The following ASTN2 variants were observed in gnomAD, a reference collection of about 807,000 sequenced individuals.
ASTN2 encodes the protein astrotactin 2.
ASTN2 carries 54 observed loss-of-function variants against 139.8 expected under a neutral mutation model. The ratio of observed to expected loss-of-function variants is 0.39; its 90% CI spans 0.31 to 0.48. The LOEUF (loss-of-function observed/expected upper bound fraction) is 0.48. ASTN2 is among the 20% of genes least tolerant of loss of function. The pLI is 0.95. For missense variants in ASTN2, 1,565 were observed against 1,725.1 expected (o/e 0.91, Z 1.64); for synonymous variants, 756 against 719.5 (o/e 1.05, Z -0.81).
At chr9:116,911,377 A>T (rs1834305440) in intron 10 of ASTN2, among the ~76,000 whole-genome samples, 1 of 152,240 alleles carries the variant, frequency 6.6e-6, no homozygotes, top group Admixed American at 6.5e-5. Flanking sequence ...TCTCAAGGTC[A>T]TGACAAACAA....
intron 4 of ASTN2, among the ~76,000 whole-genome samples, chr9:117,123,187 G>A (rs954749802): frequency 6.6e-6 from 1 of 152,008 alleles, no homozygotes; most frequent in Non-Finnish European, 1.5e-5. Context: ...AAGTTCCCAC[G>A]GGATGCTGAT....
At chr9:116,553,494 A>G (rs1298454671) in intron 19 of ASTN2, among the ~76,000 whole-genome samples, 2 of 152,202 alleles carry the variant, frequency 1.3e-5, no homozygotes, top group African/African-American at 4.8e-5. Flanking sequence ...TGTCCAGGAC[A>G]GTGTTAGGCT....
At chr9:116,768,273 C>T (rs962173242) in intron 13 of ASTN2, among the ~76,000 whole-genome samples, 1 of 151,832 alleles carries the variant, frequency 6.6e-6, no homozygotes, top group African/African-American at 2.4e-5. Flanking sequence ...CCCACCTTAC[C>T]GTGGTTATTG....
chr9:117,028,966 G>T (rs1194119612), intron 6 of ASTN2, among the ~76,000 whole-genome samples: 1 of 152,182 alleles, frequency 6.6e-6, no homozygotes, highest in Non-Finnish European at 1.5e-5. Flanking sequence ...GCCTGAAGAA[G>T]TAGAGATTTG....
rs1160296249 is a variant in ASTN2, at chr9:116,718,973, TAC to T, written c.2806+6796_2806+6797del. Among the ~76,000 whole-genome samples the T allele has an allele frequency of 1.1e-3, 49 of 45,154 alleles. 10 individuals are homozygous for T. Among genetic ancestry groups the T allele is most frequent in the Admixed American group, 3.4e-3 (12 of 3,552 alleles). The allele number at this position is 45,154 out of a possible 152,430, so 29.6% of individuals were successfully genotyped here. A position where few individuals can be genotyped will look rare whatever the true frequency, so the allele number is the denominator to read the frequency against. ...ATTTACATATCTATACCTGTATCTG[TAC>T]ATATATATATATATATCTGCCTATA... On this transcript the variant is annotated intron_variant, in intron 16 of 22. Coordinates refer to ENST00000313400, the MANE Select transcript of ASTN2 (RefSeq NM_001365068.1).
intron 6 of ASTN2, among the ~76,000 whole-genome samples, chr9:117,027,664 C>T (rs1180826730): frequency 2.0e-5 from 3 of 152,286 alleles, no homozygotes; most frequent in East Asian, 3.9e-4. Flanking sequence ...GAAGCTTTAC[C>T]CAGATCTGCC....
At chr9:117,274,203 A>T (rs536932677) in intron 2 of ASTN2, among the ~76,000 whole-genome samples, 40 of 152,222 alleles carry the variant, frequency 2.6e-4, no homozygotes, top group African/African-American at 9.6e-4. Context: ...ACAAAAAAAT[A>T]GCCGGACGTG....
chr9:116,458,500 T>G (rs1220015567), intron 20 of ASTN2, among the ~76,000 whole-genome samples: 1 of 151,808 alleles, frequency 6.6e-6, no homozygotes. Context: ...ACACCTACTA[T>G]GTACCCATAA....
At chr9:116,795,618 T>C (rs1830669476) in intron 13 of ASTN2, among the ~76,000 whole-genome samples, 1 of 152,334 alleles carries the variant, frequency 6.6e-6, no homozygotes, top group South Asian at 2.1e-4. Flanking sequence ...GAAAGCACCA[T>C]GTTTACCAAA....
intron 10 of ASTN2, among the ~76,000 whole-genome samples, chr9:116,957,338 C>G (rs779648265): frequency 6.6e-6 from 1 of 151,892 alleles, no homozygotes; most frequent in Non-Finnish European, 1.5e-5. Flanking sequence ...TTTTTGTTTT[C>G]TTAAATACTT....
chr9:117,302,708 AG>A (rs1440853546), intron 1 of ASTN2, among the ~76,000 whole-genome samples: 1 of 152,190 alleles, frequency 6.6e-6, no homozygotes, highest in African/African-American at 2.4e-5. Context: ...GGCACCATGC[AG>A]TGTGATGTGT....
chr9:117,148,542 C>G (rs1034829761), intron 3 of ASTN2, among the ~76,000 whole-genome samples: 1 of 152,138 alleles, frequency 6.6e-6, no homozygotes, highest in Admixed American at 6.5e-5. Flanking sequence ...AAGAGATAAA[C>G]TCATCATAAA....
In ASTN2 at chr9:116,843,133, C is replaced by T. The variant is rs559719461; in HGVS notation, c.2040+20450G>A. 1.6e-4 allele frequency among the ~76,000 whole-genome samples: 25 copies of T among 152,262 alleles called. No individual in the cohort carries two copies. In the South Asian group the frequency reaches 2.1e-3, roughly 13 times the overall value. ...TAAATCGTTCTACCAAAAAGACACA[C>T]GCAACCGTGTGTTCATTGTTGCCCT... On this transcript the variant is annotated intron_variant, in intron 11 of 22. Coordinates refer to ENST00000313400, the MANE Select transcript of ASTN2 (RefSeq NM_001365068.1).
rs533005166 is a variant in ASTN2, at chr9:116,656,068, C to G, written c.2807-4275G>C. Among the ~76,000 whole-genome samples, 9 of 152,202 alleles carry G rather than the reference C, an allele frequency of 5.9e-5. No individual in the cohort carries two copies. The South Asian group carries it at 1.9e-3, about 32-fold the overall frequency. On this transcript the variant is annotated intron_variant, in intron 16 of 22. Transcript: ENST00000313400. ...TTACAGATCCTGATAGCATCCTATT[C>G]TCTGTATCATCTATTAATGTCTCGA...
At position 117,100,469 on chromosome 9, in the gene ASTN2, A is replaced by C. The variant is rs531016946; in HGVS notation, c.1169-4318T>G. Among the ~76,000 whole-genome samples, 5 of 152,362 alleles carry C rather than the reference A, an allele frequency of 3.3e-5. No individual in the cohort carries two copies. In the South Asian group the frequency reaches 1.0e-3, roughly 32 times the overall value. On this transcript the variant is annotated intron_variant, in intron 4 of 22. Transcript: ENST00000313400. ...ATGTTGCATTTCACTCAGTATATTA[A>C]AATATTATCATGTTAACATGAAATT...
intron 1 of ASTN2, among the ~76,000 whole-genome samples, chr9:117,302,115 C>T (rs1234040749): frequency 5.9e-5 from 9 of 151,818 alleles, no homozygotes; most frequent in Admixed American, 5.9e-4. Flanking sequence ...GTGACAGTAC[C>T]AAATATAAAG....
chr9:116,746,885 C>T (rs538619745), intron 13 of ASTN2, among the ~76,000 whole-genome samples: 4 of 152,264 alleles, frequency 2.6e-5, no homozygotes, highest in African/African-American at 4.8e-5. Flanking sequence ...CCAGCCCTAA[C>T]GCAGTGTCTG....
chr9:117,115,891 G>C (rs930002914), intron 4 of ASTN2, among the ~76,000 whole-genome samples: 3 of 152,016 alleles, frequency 2.0e-5, no homozygotes, highest in African/African-American at 7.2e-5. Context: ...TGGGCGTAGT[G>C]GTGGGCGCCT....
intron 2 of ASTN2, among the ~76,000 whole-genome samples, chr9:117,227,922 CTATT>C (rs1438594910): frequency 6.6e-6 from 1 of 152,158 alleles, no homozygotes; most frequent in Non-Finnish European, 1.5e-5. Context: ...ATAGCTGTAT[CTATT>C]TGTTATTACT....
Sources: gnomAD v4.1 joint callset for allele counts (sites outside exome capture counted in the v4.1 genomes callset) on GRCh38, gnomAD v4.1.1 for gene constraint, MANE v1.5 for transcripts, NCBI Gene and HGNC (gene_info 2026-07-23, HGNC 2026-07-21) for gene names.